Variants in RGS20 observed in about 807,000 individuals in gnomAD.
The protein encoded by RGS20 is gz-selective GTPase-activating protein.
RGS20 carries 30 observed loss-of-function variants against 33.6 expected under a neutral mutation model. That is an observed-to-expected ratio of 0.89 (90% CI 0.67 to 1.21). The LOEUF is 1.21. RGS20 is among the 50% of genes most tolerant of loss of function. The pLI, the probability that RGS20 is intolerant of heterozygous loss-of-function variation, is 0.00. For synonymous variants in RGS20, 208 were observed against 197.9 expected, an observed-to-expected ratio of 1.05 and a Z score of -0.43; for missense variants, 472 against 502.4, an observed-to-expected ratio of 0.94 and a Z score of 0.58.
chr8:53,930,165 A>T (rs1382104818), intron 2 of RGS20, among the ~76,000 whole-genome samples: 1 of 152,230 alleles, frequency 6.6e-6, no homozygotes, highest in East Asian at 1.9e-4. Context: ...TCATGTAGAG[A>T]CAGTATGATC....
chr8:53,917,570 A>G (rs1379334579), intron 2 of RGS20, among the ~76,000 whole-genome samples: 1 of 152,222 alleles, frequency 6.6e-6, no homozygotes, highest in Non-Finnish European at 1.5e-5. Flanking sequence ...ACCTTTAAAC[A>G]GCATTGAGAT....
intron 2 of RGS20, among the ~76,000 whole-genome samples, chr8:53,884,282 A>C (rs1488073023): frequency 6.9e-6 from 1 of 144,458 alleles, no homozygotes; most frequent in East Asian, 2.1e-4. Context: ...TGCACCCTTG[A>C]ACTCCCAGAT....
intron 2 of RGS20, among the ~76,000 whole-genome samples, chr8:53,893,310 G>T (rs894647773): frequency 2.0e-5 from 3 of 151,578 alleles, no homozygotes; most frequent in African/African-American, 7.3e-5. Flanking sequence ...TATGGCATTT[G>T]CTTCTTGAAA....
intron 2 of RGS20, among the ~76,000 whole-genome samples, chr8:53,920,830 C>T (rs1431944367): frequency 6.6e-6 from 1 of 152,206 alleles, no homozygotes; most frequent in African/African-American, 2.4e-5. Flanking sequence ...GCAATTTCAG[C>T]TCACTGCAAC....
At chr8:53,894,736 T>G (rs1812806176) in intron 2 of RGS20, among the ~76,000 whole-genome samples, 1 of 152,226 alleles carries the variant, frequency 6.6e-6, no homozygotes, top group Non-Finnish European at 1.5e-5. Context: ...GCAACCTCCC[T>G]GAAGCTGAGT....
intron 1 of RGS20, among the ~76,000 whole-genome samples, chr8:53,879,002 G>A (rs940815498): frequency 6.6e-6 from 1 of 152,128 alleles, no homozygotes; most frequent in African/African-American, 2.4e-5. Context: ...TGGGGCTCAA[G>A]AGTCTTTATT....
chr8:53,939,441 A>T, intron 2 of RGS20, 135 bp from the exon 2 acceptor site: 4 of 909,428 alleles, frequency 4.4e-6, no homozygotes, highest in African/African-American at 1.7e-5. Context: ...ACTAAATTTT[A>T]CGAGAAGTAG....
intron 2 of RGS20, among the ~76,000 whole-genome samples, chr8:53,893,352 T>TA (rs1812768473): frequency 6.6e-6 from 1 of 152,204 alleles, no homozygotes; most frequent in East Asian, 1.9e-4. Context: ...TAGAAATAGT[T>TA]AGATTCTACT....
chr8:53,922,401 A>G (rs1813673281), intron 2 of RGS20, among the ~76,000 whole-genome samples: 1 of 152,066 alleles, frequency 6.6e-6, no homozygotes, highest in African/African-American at 2.4e-5. Context: ...TTTGAATCTA[A>G]AGTATGTCTC....
intron 2 of RGS20, among the ~76,000 whole-genome samples, chr8:53,893,141 A>G (rs1018670858): frequency 7.2e-5 from 11 of 152,200 alleles, no homozygotes; most frequent in African/African-American, 2.7e-4. Context: ...AAATATTAAG[A>G]AAAGGCTAAC....
At chr8:53,881,008 C>A in intron 2 of RGS20, 1 of 1,595,166 alleles carries the variant, frequency 6.3e-7, no homozygotes, top group Non-Finnish European at 8.5e-7. Flanking sequence ...AAGGCACCCG[C>A]GGGACGCATG....
At chr8:53,869,561 A>C (rs1812008668) in intron 1 of RGS20, among the ~76,000 whole-genome samples, 1 of 152,260 alleles carries the variant, frequency 6.6e-6, no homozygotes, top group East Asian at 1.9e-4. Context: ...CTGTAGTCCC[A>C]GCTACTCGGG....
At chr8:53,928,804 CA>C (rs1813872481) in intron 2 of RGS20, among the ~76,000 whole-genome samples, 1 of 148,440 alleles carries the variant, frequency 6.7e-6, no homozygotes, top group Non-Finnish European at 1.5e-5. Flanking sequence ...GCCTGGGCAA[CA>C]AGAGTAAAAC....
intron 2 of RGS20, among the ~76,000 whole-genome samples, chr8:53,905,400 G>A (rs1438312601): frequency 6.6e-6 from 1 of 152,092 alleles, no homozygotes; most frequent in Admixed American, 6.5e-5. Context: ...TTGATTTTTT[G>A]GTCTATTTGT....
In RGS20 at chr8:53,939,584, A is replaced by T; in HGVS notation, c.519A>T (p.Gly173=). Residue 173 remains glycine (G), a synonymous_variant, in exon 3 of 6, where the codon GGA becomes GGT. Transcript: ENST00000297313. Reference sequence around the variant, plus strand: ...TCCTCTCCCTCTTGCAGCAGATGGGATCAGAGCGGATGGAGATGCGGAAGC... The same window carrying T: ...TCCTCTCCCTCTTGCAGCAGATGGGTTCAGAGCGGATGGAGATGCGGAAGC... 6.3e-7 allele frequency: 1 copy of T among 1,588,710 alleles called. No homozygotes were observed.
intron 3 of RGS20, 76 bp downstream of exon 2, chr8:53,939,800 C>G (rs1814238673): frequency 6.9e-7 from 1 of 1,440,858 alleles, no homozygotes; most frequent in Non-Finnish European, 9.3e-7. Context: ...ACGTGGCACC[C>G]CTGAAAGTGG....
intron 1 of RGS20, among the ~76,000 whole-genome samples, chr8:53,869,961 C>G (rs1201597423): frequency 6.6e-6 from 1 of 151,970 alleles, no homozygotes; most frequent in Non-Finnish European, 1.5e-5. Context: ...AGGTGCTGCC[C>G]AAGGAGGGAG....
chr8:53,948,682 T>C (rs1182188272), intron 4 of RGS20, among the ~76,000 whole-genome samples: 2 of 131,478 alleles, frequency 1.5e-5, no homozygotes, highest in African/African-American at 6.0e-5. Context: ...CTATATAAGA[T>C]ACAGTACATA....
intron 1 of RGS20, among the ~76,000 whole-genome samples, chr8:53,869,340 ATGT>A (rs1181999978): frequency 2.0e-5 from 3 of 152,200 alleles, no homozygotes; most frequent in Non-Finnish European, 2.9e-5. Flanking sequence ...GTCATTTAAA[ATGT>A]TGTTTAGTTA....
Sources: allele counts gnomAD v4.1 joint callset (sites outside exome capture counted in the v4.1 genomes callset), GRCh38; gene constraint gnomAD v4.1.1; transcripts MANE v1.5; gene names NCBI Gene and HGNC (gene_info 2026-07-23, HGNC 2026-07-21).